Variants in MOB3B observed in about 807,000 individuals in gnomAD.
MOB3B encodes MOB kinase activator-like 2B.
MOB3B carries 7 observed loss-of-function variants against 18.7 expected under a neutral mutation model. The observed-to-expected ratio is 0.37, with a 90% CI of 0.21 to 0.70. The LOEUF (loss-of-function observed/expected upper bound fraction) is 0.70. MOB3B is among the 30% of genes least tolerant of loss of function. The pLI is 0.52. For missense variants in MOB3B, 253 were observed against 281.3 expected (o/e 0.90, Z 0.72); for synonymous variants, 111 against 99.9 (o/e 1.11, Z -0.66).
At chr9:27,389,735 A>G (rs1057093099) in intron 2 of MOB3B, among the ~76,000 whole-genome samples, 61 of 152,314 alleles carry the variant, frequency 4.0e-4, no homozygotes, top group East Asian at 1.2e-3. Context: ...TGCTTGGTAC[A>G]TAGTAGTAAA....
chr9:27,436,896 A>T (rs148546897), intron 2 of MOB3B, among the ~76,000 whole-genome samples: 2,107 of 151,844 alleles, frequency 0.014, 41 homozygotes, highest in African/African-American at 0.047. Flanking sequence ...ATGAAGAAAG[A>T]GCAGCCAGCT....
At chr9:27,477,120 G>A (rs1266428169) in intron 1 of MOB3B, among the ~76,000 whole-genome samples, 1 of 152,164 alleles carries the variant, frequency 6.6e-6, no homozygotes, top group Non-Finnish European at 1.5e-5. Flanking sequence ...GTGCTTGGTT[G>A]AATACTCCTC....
chr9:27,342,618 C>T (rs957477293), intron 3 of MOB3B, among the ~76,000 whole-genome samples: 4 of 152,258 alleles, frequency 2.6e-5, no homozygotes, highest in South Asian at 2.1e-4. Flanking sequence ...AGGCGCGCGC[C>T]GCCACACCTG....
chr9:27,426,642 C>T (rs1174816870), intron 2 of MOB3B, among the ~76,000 whole-genome samples: 1 of 152,196 alleles, frequency 6.6e-6, no homozygotes, highest in Non-Finnish European at 1.5e-5. Flanking sequence ...GGAGTCCAGG[C>T]TCAGCTGATA....
At chr9:27,464,710 T>C (rs1819349381) in intron 1 of MOB3B, among the ~76,000 whole-genome samples, 3 of 152,136 alleles carry the variant, frequency 2.0e-5, no homozygotes, top group African/African-American at 7.2e-5. Flanking sequence ...TTAATTGGAC[T>C]TACAGTTCCA....
At chr9:27,410,999 T>C (rs1055567637) in intron 2 of MOB3B, among the ~76,000 whole-genome samples, 2 of 152,342 alleles carry the variant, frequency 1.3e-5, no homozygotes, top group Non-Finnish European at 2.9e-5. Context: ...TGATTCAATA[T>C]GATGAATGCG....
intron 2 of MOB3B, among the ~76,000 whole-genome samples, chr9:27,415,574 T>C (rs1224158582): frequency 1.3e-5 from 2 of 152,228 alleles, no homozygotes; most frequent in Admixed American, 6.5e-5. Flanking sequence ...CAATTTTAGA[T>C]GGGATTATTA....
intron 1 of MOB3B, among the ~76,000 whole-genome samples, chr9:27,522,014 G>A (rs553116964): frequency 3.0e-4 from 45 of 151,842 alleles, no homozygotes; most frequent in African/African-American, 8.9e-4. Context: ...AGGCCGAGGC[G>A]GTCGGATCAT....
intron 2 of MOB3B, among the ~76,000 whole-genome samples, chr9:27,431,680 T>C (rs1221308571): frequency 6.6e-6 from 1 of 152,206 alleles, no homozygotes; most frequent in African/African-American, 2.4e-5. Flanking sequence ...TTTAAAGTTG[T>C]GGAGTCAGGT....
At chr9:27,349,027 A>G (rs1196444402) in intron 3 of MOB3B, among the ~76,000 whole-genome samples, 8 of 149,342 alleles carry the variant, frequency 5.4e-5, no homozygotes, top group Admixed American at 5.3e-4. Context: ...GAAGTTCCCT[A>G]TGGAGCTATC....
intron 2 of MOB3B, among the ~76,000 whole-genome samples, chr9:27,371,812 T>C (rs1821419790): frequency 6.6e-6 from 1 of 152,074 alleles, no homozygotes; most frequent in Admixed American, 6.5e-5. Flanking sequence ...CCAGACCTTC[T>C]GTTTTTTTTC....
Position 27,380,503 on chromosome 9 carries a change from C to G in MOB3B, c.419-21267G>C, listed in dbSNP as rs557109910. ...CCACCCGCCTCGGCCTCCCAAAGTG[C>G]TGGGATCACAGGTGTGAGCCACCAC... On this transcript the variant is annotated intron_variant, in intron 2 of 3. Coordinates refer to ENST00000262244, the MANE Select transcript of MOB3B (RefSeq NM_024761.5). 2.7e-4 allele frequency among the ~76,000 whole-genome samples: 41 copies of G among 152,252 alleles called. 1 individual carries two copies. Among genetic ancestry groups the G allele is most frequent in the African/African-American group, 9.4e-4 (39 of 41,556 alleles).
chr9:27,373,532 CA>C (rs765957323), intron 2 of MOB3B, among the ~76,000 whole-genome samples: 1 of 152,190 alleles, frequency 6.6e-6, no homozygotes, highest in Non-Finnish European at 1.5e-5. Context: ...CAGACACCCA[CA>C]AGGCTCATCC....
intron 1 of MOB3B, among the ~76,000 whole-genome samples, chr9:27,525,478 C>G (rs974089443): frequency 4.6e-5 from 7 of 152,088 alleles, no homozygotes; most frequent in African/African-American, 1.4e-4. Flanking sequence ...CATTTCTGGC[C>G]CATTTCCTTC....
At chr9:27,477,719 GTTC>G (rs1285011341) in intron 1 of MOB3B, among the ~76,000 whole-genome samples, 1 of 152,240 alleles carries the variant, frequency 6.6e-6, no homozygotes, top group African/African-American at 2.4e-5. Context: ...AGACATAACT[GTTC>G]TTCTTAATGC....
At chr9:27,410,899 A>C (rs754658467) in intron 2 of MOB3B, among the ~76,000 whole-genome samples, 34 of 152,212 alleles carry the variant, frequency 2.2e-4, no homozygotes, top group Non-Finnish European at 4.3e-4. Flanking sequence ...TTTATTTTTT[A>C]ACTTTACACT....
intron 2 of MOB3B, among the ~76,000 whole-genome samples, chr9:27,447,678 A>T (rs62541583): frequency 0.14 from 21,067 of 152,160 alleles, 1,809 homozygotes; most frequent in Middle Eastern, 0.22. Flanking sequence ...TGGAGGCCCT[A>T]AACAGAGGTA....
At chr9:27,461,649 TC>T (rs1263498805) in intron 1 of MOB3B, among the ~76,000 whole-genome samples, 5 of 152,272 alleles carry the variant, frequency 3.3e-5, no homozygotes, top group Non-Finnish European at 7.3e-5. Flanking sequence ...TTCTAGCTCT[TC>T]AATGGTCGTT....
At chr9:27,523,302 A>G (rs1820369178) in intron 1 of MOB3B, among the ~76,000 whole-genome samples, 1 of 152,150 alleles carries the variant, frequency 6.6e-6, no homozygotes, top group South Asian at 2.1e-4. Context: ...TCCAGCTAGG[A>G]ATTCACTTAG....
Sources: allele counts gnomAD v4.1 joint callset (sites outside exome capture counted in the v4.1 genomes callset), GRCh38; gene constraint gnomAD v4.1.1; transcripts MANE v1.5; gene names NCBI Gene and HGNC (gene_info 2026-07-23, HGNC 2026-07-21).